PRIM2: variants seen among roughly 807,000 people sequenced by gnomAD.
PRIM2 encodes the protein DNA primase subunit 2, also known as DNA primase large subunit.
A neutral mutation model predicts 67.3 loss-of-function variants in PRIM2; 39 were observed. The ratio of observed to expected loss-of-function variants is 0.58; its 90% confidence interval spans 0.45 to 0.76. The LOEUF is 0.76. Among genes scored for constraint, PRIM2 ranks in the 30% least tolerant of loss-of-function variants. The pLI is 0.00. For synonymous variants in PRIM2, 143 were observed against 198.7 expected (o/e 0.72, Z 2.36); for missense variants, 398 against 598.7 (o/e 0.66, Z 3.50).
intron 7 of PRIM2, among the ~76,000 whole-genome samples, chr6:57,465,984 C>G (rs1394785289): frequency 1.3e-5 from 2 of 151,936 alleles, no homozygotes; most frequent in Non-Finnish European, 2.9e-5. Flanking sequence ...TCCCCACCCC[C>G]TGACAGGCCC....
intron 10 of PRIM2, among the ~76,000 whole-genome samples, chr6:57,548,813 A>G (rs1256975520): frequency 6.1e-4 from 93 of 152,300 alleles, no homozygotes; most frequent in African/African-American, 1.9e-3. Flanking sequence ...CATCTTTCCA[A>G]TAAAGTAGGC....
intron 8 of PRIM2, among the ~76,000 whole-genome samples, chr6:57,512,418 G>T (rs2127461203): frequency 6.6e-6 from 1 of 152,226 alleles, no homozygotes; most frequent in South Asian, 2.1e-4. Context: ...GGTAGAAGGG[G>T]ATAGGCCAGG....
intron 10 of PRIM2, among the ~76,000 whole-genome samples, chr6:57,571,212 G>A (rs1383872479): frequency 9.9e-5 from 15 of 152,086 alleles, no homozygotes; most frequent in Admixed American, 7.2e-4. Context: ...ATTATTTTGA[G>A]CTTTAAGATG....
At chr6:57,535,760 G>T in intron 9 of PRIM2, among the ~76,000 whole-genome samples, 1 of 152,188 alleles carries the variant, frequency 6.6e-6, no homozygotes. Context: ...TGCTACTCAG[G>T]AGGCTGAAGC....
At chr6:57,586,387 G>A (rs1776187266) in intron 10 of PRIM2, among the ~76,000 whole-genome samples, 7 of 152,046 alleles carry the variant, frequency 4.6e-5, no homozygotes, top group Admixed American at 3.3e-4. Context: ...GAGGGGAAGT[G>A]GGGACATTTC....
chr6:57,512,978 A>G (rs1458129435), intron 8 of PRIM2, among the ~76,000 whole-genome samples: 2 of 152,096 alleles, frequency 1.3e-5, no homozygotes, highest in African/African-American at 4.8e-5. Context: ...TAATTATTTC[A>G]TAAGACTATA....
chr6:57,465,284 T>C (rs1773146941), intron 7 of PRIM2, among the ~76,000 whole-genome samples: 1 of 152,178 alleles, frequency 6.6e-6, no homozygotes, highest in Non-Finnish European at 1.5e-5. Context: ...GGTATGGGCG[T>C]ATGATGCATT....
chr6:57,236,194 C>G, the PRIM2 span, among the ~76,000 whole-genome samples: 75 of 152,196 alleles, frequency 4.9e-4, no homozygotes, highest in African/African-American at 1.7e-3. Flanking sequence ...ATTCTGATGC[C>G]TAAAGTCAGA....
intron 7 of PRIM2, among the ~76,000 whole-genome samples, chr6:57,435,654 T>G (rs1771988116): frequency 6.6e-6 from 1 of 152,232 alleles, no homozygotes; most frequent in Non-Finnish European, 1.5e-5. Context: ...TGGTGTAACC[T>G]GCCTGGCTGA....
chr6:57,445,012 G>A (rs1487351780), intron 7 of PRIM2, among the ~76,000 whole-genome samples: 3 of 152,068 alleles, frequency 2.0e-5, no homozygotes, highest in Non-Finnish European at 2.9e-5. Flanking sequence ...CAGTAACAAC[G>A]TCTAGAGAGT....
the PRIM2 span, among the ~76,000 whole-genome samples, chr6:57,223,786 AATG>A: frequency 6.6e-6 from 1 of 152,206 alleles, no homozygotes; most frequent in African/African-American, 2.4e-5. Context: ...CACTCATTAA[AATG>A]ATGATTATAA....
intron 12 of PRIM2, among the ~76,000 whole-genome samples, chr6:57,627,279 C>CAAAAAAAAAAAAA (rs1158722297): frequency 4.5e-4 from 11 of 24,536 alleles, no homozygotes; most frequent in Admixed American, 7.7e-4. Flanking sequence ...GACTCTGTCT[C>CAAAAAAAAAAAAA]AAAAAAAAAA....
intron 7 of PRIM2, among the ~76,000 whole-genome samples, chr6:57,494,976 T>A (rs1399879778): frequency 1.3e-5 from 2 of 152,190 alleles, no homozygotes; most frequent in Non-Finnish European, 2.9e-5. Context: ...TTTTTCTGTG[T>A]TAGCAATGGA....
At chr6:57,429,749 A>G (rs1208311049) in intron 7 of PRIM2, among the ~76,000 whole-genome samples, 1 of 152,188 alleles carries the variant, frequency 6.6e-6, no homozygotes, top group Non-Finnish European at 1.5e-5. Flanking sequence ...GGCTGTGAGA[A>G]CAGAGGAAAG....
the PRIM2 span, among the ~76,000 whole-genome samples, chr6:57,290,912 T>G: frequency 2.0e-5 from 3 of 152,074 alleles, no homozygotes; most frequent in Admixed American, 1.3e-4. Flanking sequence ...AGATCTAAAA[T>G]GGACACCCTA....
intron 10 of PRIM2, among the ~76,000 whole-genome samples, chr6:57,593,394 C>A (rs1222033390): frequency 6.6e-6 from 1 of 152,008 alleles, no homozygotes; most frequent in Non-Finnish European, 1.5e-5. Flanking sequence ...CCTCTGCCTC[C>A]CGGGTTCAAG....
At chr6:57,521,375 T>TG (rs1774618079) in intron 8 of PRIM2, among the ~76,000 whole-genome samples, 14 of 146,384 alleles carry the variant, frequency 9.6e-5, no homozygotes, top group African/African-American at 3.5e-4. Context: ...GGGTTTTTTT[T>TG]TTTTTTTTTT....
chr6:57,312,429 G>C (rs766458635), upstream of PRIM2, among the ~76,000 whole-genome samples: 33 of 152,050 alleles, frequency 2.2e-4, no homozygotes, highest in Non-Finnish European at 3.5e-4. Flanking sequence ...TTGAGTCCAG[G>C]AGGTGGAGGC....
chr6:57,415,406 G>A (rs1204161462), intron 7 of PRIM2, among the ~76,000 whole-genome samples: 3 of 152,114 alleles, frequency 2.0e-5, no homozygotes, highest in Non-Finnish European at 4.4e-5. Context: ...ATATACTGTA[G>A]TCTATTAAGA....
Sources: gnomAD v4.1 joint callset for allele counts (sites outside exome capture counted in the v4.1 genomes callset) on GRCh38, gnomAD v4.1.1 for gene constraint, MANE v1.5 for transcripts, NCBI Gene and HGNC (gene_info 2026-07-23, HGNC 2026-07-21) for gene names.